The following FNBP1L variants were observed in gnomAD, a reference collection of about 807,000 sequenced individuals.
The protein encoded by FNBP1L is formin binding protein 1 like.
FNBP1L carries 36 observed loss-of-function variants against 91.2 expected under a neutral mutation model. The observed-to-expected ratio is 0.39, with a 90% CI of 0.30 to 0.52. FNBP1L has a LOEUF of 0.52. Among genes scored for constraint, FNBP1L ranks in the 20% least tolerant of loss-of-function variants. The pLI is 0.66. For missense variants in FNBP1L, 571 were observed against 732.1 expected, an observed-to-expected ratio of 0.78 and a Z score of 2.54; for synonymous variants, 242 against 237.0, an observed-to-expected ratio of 1.02 and a Z score of -0.19.
intron 1 of FNBP1L, among the ~76,000 whole-genome samples, 181 bp downstream of exon 1, chr1:93,448,486 C>T (rs911977118): frequency 1.3e-5 from 2 of 152,204 alleles, no homozygotes; most frequent in African/African-American, 4.8e-5. Context: ...GGCCGGGGGT[C>T]TAGGGGGCCG....
chr1:93,454,526 C>A (rs575430968), intron 1 of FNBP1L, among the ~76,000 whole-genome samples: 1 of 151,980 alleles, frequency 6.6e-6, no homozygotes, highest in Non-Finnish European at 1.5e-5. Flanking sequence ...ATTTTAGCGC[C>A]GCTGCAAGAA....
intron 4 of FNBP1L, 69 bp from the exon 5 acceptor site, chr1:93,524,192 T>A: frequency 1.6e-6 from 2 of 1,286,564 alleles, no homozygotes; most frequent in South Asian, 1.9e-5. Context: ...TGTTTAAATG[T>A]AATTATTTTT....
intron 1 of FNBP1L, among the ~76,000 whole-genome samples, chr1:93,453,455 T>G (rs1668561760): frequency 1.3e-5 from 2 of 152,156 alleles, no homozygotes; most frequent in Admixed American, 6.5e-5. Flanking sequence ...CCTATAAACC[T>G]ATAAAATATG....
chr1:93,503,612 A>G (rs17110016), intron 2 of FNBP1L, among the ~76,000 whole-genome samples: 32 of 152,046 alleles, frequency 2.1e-4, no homozygotes, highest in Admixed American at 1.5e-3. Flanking sequence ...TGGTTTGAGG[A>G]TGGGAATAAA....
At chr1:93,546,804 A>G in intron 12 of FNBP1L, 38 bp from the exon 13 acceptor site, 1 of 1,605,402 alleles carries the variant, frequency 6.2e-7, no homozygotes, top group Non-Finnish European at 8.5e-7. Flanking sequence ...AAGCATATGA[A>G]GTTAATATTT....
chr1:93,458,090 G>A (rs531934514), intron 1 of FNBP1L, among the ~76,000 whole-genome samples: 9 of 151,994 alleles, frequency 5.9e-5, no homozygotes, highest in East Asian at 1.9e-4. Context: ...ACGCCCGGCC[G>A]GAAACAGGAA....
intron 5 of FNBP1L, among the ~76,000 whole-genome samples, chr1:93,527,081 C>G (rs1033708519): frequency 6.6e-6 from 1 of 151,976 alleles, no homozygotes; most frequent in African/African-American, 2.4e-5. Flanking sequence ...ATCAAAATAC[C>G]TGTACAAAAT....
At chr1:93,477,205 G>C (rs1669526298) in intron 1 of FNBP1L, among the ~76,000 whole-genome samples, 1 of 152,236 alleles carries the variant, frequency 6.6e-6, no homozygotes, top group South Asian at 2.1e-4. Flanking sequence ...AATGGTAATT[G>C]TAGCTTGGAG....
rs1672262458 is a variant in FNBP1L, at chr1:93,546,939, A to G, written c.1372A>G (p.Ile458Val). ...TAAATTAGCAGAGACCATGAATAAC[A>G]TTGACCGCCTACGAATGGAAATCCA... ...QPKLAETMNN[I>V]DRLRMEIHKN... The change falls in exon 13 of 17, where the codon ATT (isoleucine) becomes GTT (valine). Residue 458 changes from isoleucine (I) to valine (V), a missense_variant. Physicochemically the swap from Ile to Val is conservative, Grantham distance 29. Coordinates refer to ENST00000271234, the MANE Select transcript of FNBP1L (RefSeq NM_001164473.3). 6.2e-7 allele frequency: 1 copy of G among 1,612,716 alleles called. No individual in the cohort carries two copies. The highest frequency in any genetic ancestry group is 8.5e-7 in the Non-Finnish European group (1 of 1,179,378).
chr1:93,536,867 AATATT>A (rs1350542177), intron 10 of FNBP1L, among the ~76,000 whole-genome samples: 1 of 152,048 alleles, frequency 6.6e-6, no homozygotes, highest in Non-Finnish European at 1.5e-5. Flanking sequence ...AATTTTATAA[AATATT>A]ATTTTATTGA....
chr1:93,538,838 TA>T (rs1286775410), intron 10 of FNBP1L, among the ~76,000 whole-genome samples: 3 of 152,090 alleles, frequency 2.0e-5, no homozygotes, highest in Non-Finnish European at 2.9e-5. Flanking sequence ...AATAACTTCT[TA>T]AAAATTATGA....
chr1:93,481,454 G>A (rs72961376), intron 1 of FNBP1L, among the ~76,000 whole-genome samples: 4,184 of 152,204 alleles, frequency 0.027, 198 homozygotes, highest in African/African-American at 0.095. Flanking sequence ...CATGTTTAAG[G>A]ATGCTTAACA....
chr1:93,549,269 G>A lies in FNBP1L; in HGVS notation c.1503-9G>A, dbSNP rs1257039491. 6.3e-7 allele frequency: 1 copy of A among 1,592,544 alleles called. No individual in the cohort carries two copies. The highest frequency in any genetic ancestry group is 1.7e-4 in the Middle Eastern group (1 of 5,946). ...GATACTTGATCAGAGATAATTTTTT[G>A]TTTTATAGTCCTGAGGGAAGTTACA... On this transcript the variant is annotated splice_polypyrimidine_tract_variant and intron_variant, in intron 14 of 16. Coordinates refer to ENST00000271234, the MANE Select transcript of FNBP1L (RefSeq NM_001164473.3).
At chr1:93,531,322 T>C (rs1357068058) in intron 7 of FNBP1L, among the ~76,000 whole-genome samples, 1 of 152,202 alleles carries the variant, frequency 6.6e-6, no homozygotes, top group Non-Finnish European at 1.5e-5. Flanking sequence ...CTGGCTCTGT[T>C]AGATGATAAA....
rs1242644073 is a variant in FNBP1L, at chr1:93,532,415, C to T, written c.640-507C>T. Among the ~76,000 whole-genome samples, 19 of 143,146 alleles carry T rather than the reference C, an allele frequency of 1.3e-4. No individual in the cohort carries two copies. In the Admixed American group the frequency reaches 1.4e-3, roughly 10 times the overall value. 93.9% of individuals were successfully genotyped at this position (143,146 alleles called of 152,430 possible). A position where few individuals can be genotyped will look rare whatever the true frequency, so the allele number is the denominator to read the frequency against. ...CTGGGAGGTGGAGGTTGCAGTGAGC[C>T]GAGATCGCGCAACTGCACTCCATCC... On this transcript the variant is annotated intron_variant, in intron 7 of 16. Coordinates refer to ENST00000271234, the MANE Select transcript of FNBP1L (RefSeq NM_001164473.3).
chr1:93,493,264 GC>G (rs1670155938), intron 1 of FNBP1L, among the ~76,000 whole-genome samples: 1 of 152,110 alleles, frequency 6.6e-6, no homozygotes, highest in Non-Finnish European at 1.5e-5. Context: ...CTGGAGGACG[GC>G]TTAAGCCCAG....
intron 12 of FNBP1L, among the ~76,000 whole-genome samples, chr1:93,544,490 C>T (rs965631133): frequency 1.3e-5 from 2 of 152,094 alleles, no homozygotes; most frequent in Admixed American, 6.6e-5. Context: ...GTTTCATCAG[C>T]ACTACCTCTT....
At chr1:93,475,105 A>G (rs188319812) in intron 1 of FNBP1L, among the ~76,000 whole-genome samples, 2 of 152,226 alleles carry the variant, frequency 1.3e-5, no homozygotes, top group African/African-American at 4.8e-5. Flanking sequence ...CTTGATGTCT[A>G]GAATGATGAT....
chr1:93,476,393 T>A (rs1487126695), intron 1 of FNBP1L, among the ~76,000 whole-genome samples: 3 of 152,190 alleles, frequency 2.0e-5, no homozygotes, highest in Non-Finnish European at 4.4e-5. Flanking sequence ...TGAGATAATA[T>A]ATAAAAGCAC....
Sources: allele counts gnomAD v4.1 joint callset (sites outside exome capture counted in the v4.1 genomes callset), GRCh38; gene constraint gnomAD v4.1.1; transcripts MANE v1.5; gene names NCBI Gene and HGNC (gene_info 2026-07-23, HGNC 2026-07-21).